Variants in STOML1 observed in about 807,000 individuals in gnomAD.
STOML1 encodes the protein stomatin like 1, also known as stomatin-like protein 1.
Under a neutral mutation model 35.7 loss-of-function variants are expected in STOML1, and 27 were observed. The ratio of observed to expected loss-of-function variants is 0.76; its 90% confidence interval spans 0.56 to 1.04. The LOEUF (loss-of-function observed/expected upper bound fraction) is 1.04, where lower values mean the gene tolerates loss of function less well. STOML1 is among the 50% of genes least tolerant of loss of function. STOML1 has a pLI of 0.00. For synonymous variants in STOML1, 219 were observed against 227.9 expected (o/e 0.96, Z 0.35); for missense variants, 451 against 527.1 (o/e 0.86, Z 1.41).
rs2069003163 is a variant in STOML1 at position 73,983,940 on chromosome 15, C to T, written c.1194G>A (p.Lys398=). 1 of 1,610,416 alleles carries T rather than the reference C, an allele frequency of 6.2e-7. No individual in the cohort carries two copies. ...MKLEAVLRAL[K] ...TCTGGAAAGTCAGCCAAGGCTGCTA[C>T]TTCAAGGCCCTGAGGACAGCCTCCA... The change falls in exon 7 of 7, where the codon AAG becomes AAA. Residue 398 remains lysine (K), a synonymous_variant. Coordinates refer to ENST00000541638, the MANE Select transcript of STOML1 (RefSeq NM_004809.5).
intron 2 of STOML1, among the ~76,000 whole-genome samples, chr15:73,989,720 C>T (rs2069206972): frequency 6.6e-6 from 1 of 152,160 alleles, no homozygotes; most frequent in Non-Finnish European, 1.5e-5. Context: ...AATGAAGGCC[C>T]AGAGAGGCAA....
chr15:73,990,952 G>A (rs1351890534), intron 1 of STOML1: 6 of 1,476,714 alleles, frequency 4.1e-6, no homozygotes, highest in Non-Finnish European at 5.4e-6. Context: ...TAGCCTACAG[G>A]GATAAATCAT....
chr15:73,988,588 G>T lies in STOML1; in HGVS notation c.594+11C>A. 1 of 1,614,038 alleles carries T rather than the reference G, an allele frequency of 6.2e-7. No individual in the cohort carries two copies. The highest frequency in any genetic ancestry group is 8.5e-7 in the Non-Finnish European group (1 of 1,180,008). ...CACCCCTCAAGCTCCGTCTTGTGAGGGGCTGCCTACCAGAAGCTGGTCGCT... is the reference window on the plus strand; with the variant it reads ...CACCCCTCAAGCTCCGTCTTGTGAGTGGCTGCCTACCAGAAGCTGGTCGCT... On this transcript the variant is annotated intron_variant, in intron 4 of 6. Coordinates refer to ENST00000541638, the MANE Select transcript of STOML1 (RefSeq NM_004809.5). This position sits in a 1 kb window ranked among gnomAD's most constrained non-coding sequence, Gnocchi z 4.8.
rs2068940761 is a variant in STOML1 at position 73,979,733 on chromosome 15, CA to C, written c.*4203del. On this transcript the variant is annotated 3_prime_UTR_variant, in exon 7 of 7. Coordinates refer to ENST00000541638, the MANE Select transcript of STOML1 (RefSeq NM_004809.5). The stretch of plus-strand genomic sequence containing the variant: ...TAGGGGAAGAGAAACCAAACCAAAC[CA>C]AACCCTGTTCTTTGCTGGAGCTAGA... The C allele has an allele frequency of 1.3e-5, 2 of 152,050 alleles. No homozygotes were observed. The highest frequency in any genetic ancestry group is 2.9e-5 in the Non-Finnish European group (2 of 67,998). The allele number at this position is 152,050 out of a possible 1,614,324, so 9.4% of individuals were successfully genotyped here.
Position 73,990,151 on chromosome 15 carries a change from G to A in STOML1, c.240+200C>T, listed in dbSNP as rs1343587316. On this transcript the variant is annotated intron_variant, in intron 2 of 6. Coordinates refer to ENST00000541638, the MANE Select transcript of STOML1 (RefSeq NM_004809.5). Reference sequence around the variant, plus strand: ...TGGGACTTGCTTCTACCCCCTACTGGCTCCCAGTATGACTTTAGACAAGCC... The same window carrying A: ...TGGGACTTGCTTCTACCCCCTACTGACTCCCAGTATGACTTTAGACAAGCC... 5.4e-6 allele frequency: 3 copies of A among 557,346 alleles called. No homozygotes were observed. The African/African-American group carries it at 5.7e-5, about 11-fold the overall frequency. 34.5% of individuals were successfully genotyped at this position (557,346 alleles called of 1,614,324 possible).
Position 73,992,113 on chromosome 15 carries a change from C to A in STOML1, c.111G>T (p.Arg37=). ...CACCGGCCCCTGTCCCCACGCCGCC[C>A]CGCTCCGGGGACAAGCAGCCCTTCT... ...GSQKGCLSPE[R]GGVGTGADVP... Residue 37 remains arginine, a synonymous_variant, in exon 1 of 7, where the codon CGG becomes CGT. Transcript: ENST00000541638. The A allele has an allele frequency of 6.2e-7, 1 of 1,601,256 alleles. No individual in the cohort carries two copies. The highest frequency in any genetic ancestry group is 8.5e-7 in the Non-Finnish European group (1 of 1,175,178).
chr15:73,991,402 C>T (rs887873786), intron 1 of STOML1, among the ~76,000 whole-genome samples: 8 of 152,252 alleles, frequency 5.3e-5, no homozygotes, highest in African/African-American at 1.9e-4. Flanking sequence ...TGGGCTAAGC[C>T]CCAGAGCACT....
rs1350242447 is a variant in STOML1 at position 73,985,457 on chromosome 15, C to T, written c.651G>A (p.Leu217=). ...AWGLEVDRVE[L]AVEAVLQPPQ... is the part of the protein sequence containing the mutation. ...GCGGCTGGAGCACGGCCTCCACTGC[C>T]AGCTCCACGCGGTCTACCTCCAGCC... Residue 217 remains leucine, a synonymous_variant, in exon 5 of 7, where the codon CTG becomes CTA. Coordinates refer to ENST00000541638, the MANE Select transcript of STOML1 (RefSeq NM_004809.5). The T allele has an allele frequency of 1.9e-6, 3 of 1,540,538 alleles. No homozygotes were observed. The highest frequency in any genetic ancestry group is 1.2e-5 in the South Asian group (1 of 81,398).
intron 1 of STOML1, chr15:73,991,061 T>C: frequency 7.6e-7 from 1 of 1,317,116 alleles, no homozygotes; most frequent in East Asian, 2.9e-5. Flanking sequence ...AAAATGCCTA[T>C]TTCACGAGAT....
At chr15:73,992,049 G>A in intron 1 of STOML1, 42 bp downstream of exon 1, 4 of 1,521,344 alleles carry the variant, frequency 2.6e-6, no homozygotes, top group Non-Finnish European at 2.6e-6. Flanking sequence ...GGGGGTTGCC[G>A]GCCGGTCCCC....
chr15:73,992,324 C>T (rs1313693226), upstream of STOML1: 18 of 1,322,134 alleles, frequency 1.4e-5, no homozygotes, highest in African/African-American at 1.4e-4. Context: ...TCCGGCTTCA[C>T]CCGCGCGGCC....
chr15:73,984,732 G>A lies in STOML1; in HGVS notation c.930C>T (p.Val310=), dbSNP rs200775526. 92 of 1,614,088 alleles carry A rather than the reference G, an allele frequency of 5.7e-5. 1 individual carries two copies. In the Admixed American group the frequency reaches 7.3e-4, roughly 13 times the overall value. ...CGACATTGAACTGGTAGCAGGCCCC[G>A]ACTTGGCTGACCAGGGCCTCAGACA... The part of the protein sequence containing the change: ...PFLSEALVSQ[V]GACYQFNVVL... The change falls in exon 6 of 7, where the codon GTC becomes GTT. Residue 310 remains valine, a synonymous_variant. Coordinates refer to ENST00000541638, the MANE Select transcript of STOML1 (RefSeq NM_004809.5).
At chr15:73,984,252 C>T in intron 6 of STOML1, 122 bp from the exon 7 acceptor site, 1 of 1,069,360 alleles carries the variant, frequency 9.4e-7, no homozygotes, top group Non-Finnish European at 1.3e-6. Flanking sequence ...AGTTTGGGTT[C>T]TAATACCCTG....
rs747282729 is a variant in STOML1, at chr15:73,984,146, A to G, written c.1004-16T>C. On this transcript the variant is annotated splice_polypyrimidine_tract_variant and intron_variant, in intron 6 of 6. Transcript: ENST00000541638. ...CTTCCTCGTCCTGTGGGGCAAAAGA[A>G]AACCGAGTGTCAGTAGGGGAATGGA... 6.2e-7 allele frequency: 1 copy of G among 1,603,188 alleles called. No individual in the cohort carries two copies. The highest frequency in any genetic ancestry group is 8.5e-7 in the Non-Finnish European group (1 of 1,171,928).
At position 73,981,587 on chromosome 15, in the gene STOML1, C is replaced by T. The variant is rs1258700401; in HGVS notation, c.*2350G>A. The T allele has an allele frequency of 6.6e-6, 1 of 152,218 alleles. No individual in the cohort carries two copies. The highest frequency in any genetic ancestry group is 6.5e-5 in the Admixed American group (1 of 15,280). The allele number at this position is 152,218 out of a possible 1,614,324, so 9.4% of individuals were successfully genotyped here. On this transcript the variant is annotated 3_prime_UTR_variant, in exon 7 of 7. Transcript: ENST00000541638. ...CTGTCTGGTACTTCAGGTTCTAGTTCCCCGAAGCCCAGTTGCCTGACTGCC... is the reference window on the plus strand; with the variant it reads ...CTGTCTGGTACTTCAGGTTCTAGTTTCCCGAAGCCCAGTTGCCTGACTGCC...
upstream of STOML1, among the ~76,000 whole-genome samples, chr15:73,992,826 T>C (rs2069327438): frequency 6.6e-6 from 1 of 152,152 alleles, no homozygotes; most frequent in Non-Finnish European, 1.5e-5. Flanking sequence ...AGGAAGCCAA[T>C]CTTCTCCAGG....
rs2069157923 is a variant in STOML1 at position 73,988,356 on chromosome 15, G to A, written c.594+243C>T. ...AAACTAAGGGGCAGACCCCAAGAAT[G>A]TCTGCCGGGGCCACTTCCTCTTCTC... On this transcript the variant is annotated intron_variant, in intron 4 of 6. Coordinates refer to ENST00000541638, the MANE Select transcript of STOML1 (RefSeq NM_004809.5). This position sits in a 1 kb window ranked among gnomAD's most constrained non-coding sequence, Gnocchi z 4.8. 2.5e-5 allele frequency: 13 copies of A among 530,246 alleles called. No individual in the cohort carries two copies. The Admixed American group carries it at 4.1e-4, about 17-fold the overall frequency. 32.8% of individuals were successfully genotyped at this position (530,246 alleles called of 1,614,324 possible).
At chr15:73,991,939 G>T in intron 1 of STOML1, 152 bp downstream of exon 1, 1 of 1,241,884 alleles carries the variant, frequency 8.1e-7, no homozygotes, top group Non-Finnish European at 1.1e-6. Flanking sequence ...CAGGCGCCGG[G>T]TCCAGCCCCC....
intron 4 of STOML1, chr15:73,985,821 T>C (rs986653601): frequency 1.2e-5 from 4 of 335,586 alleles, no homozygotes; most frequent in African/African-American, 2.2e-5. Flanking sequence ...AAACCTGGCA[T>C]GTTCGTGGAG....
Sources: allele counts gnomAD v4.1 joint callset (sites outside exome capture counted in the v4.1 genomes callset), GRCh38; gene constraint gnomAD v4.1.1; non-coding constraint Gnocchi (gnomAD v3.1); transcripts MANE v1.5; gene names NCBI Gene and HGNC (gene_info 2026-07-23, HGNC 2026-07-21).